The following CENPI variants were observed in gnomAD, a reference collection of about 807,000 sequenced individuals.
CENPI encodes centromere protein I.
A neutral mutation model predicts 60.4 loss-of-function variants in CENPI; 4 were observed. The observed-to-expected ratio is 0.07, with a 90% CI of 0.03 to 0.15. The LOEUF (loss-of-function observed/expected upper bound fraction) is 0.15. Ranked by LOEUF, CENPI falls within the 10% of genes least tolerant of loss-of-function variation. CENPI has a pLI of 1.00. For synonymous variants in CENPI, 157 were observed against 189.4 expected (o/e 0.83, Z 1.40); for missense variants, 444 against 534.5 (o/e 0.83, Z 1.67).
At chrX:101,109,735 T>C (rs762942046) in intron 5 of CENPI, 144 bp downstream of exon 5, 1 of 575,741 alleles carries the variant, frequency 1.7e-6, no homozygotes, top group South Asian at 2.8e-5. Flanking sequence ...AAGGACTATG[T>C]TCAAACAGAA....
At chrX:101,142,765 CACA>C (rs1457044032) in intron 16 of CENPI, among the ~76,000 whole-genome samples, 1 of 111,541 alleles carries the variant, frequency 9.0e-6, no homozygotes, top group Non-Finnish European at 1.9e-5. Context: ...TTATTTCAGA[CACA>C]GTTGCCAAGT....
At chrX:101,109,686 G>C in intron 5 of CENPI, 95 bp downstream of exon 5, 1 of 657,832 alleles carries the variant, frequency 1.5e-6, no homozygotes, top group East Asian at 3.2e-5. Flanking sequence ...TTGGCCTTTT[G>C]TGCAAAGCCT....
chrX:101,142,556 A>G (rs2089923712), intron 16 of CENPI, among the ~76,000 whole-genome samples: 1 of 111,119 alleles, frequency 9.0e-6, no homozygotes, highest in African/African-American at 3.3e-5. Context: ...GAAGGGGGCC[A>G]TTTCTGGTTG....
chrX:101,177,474 C>A, the CENPI span, among the ~76,000 whole-genome samples: 6 of 111,376 alleles, frequency 5.4e-5, no homozygotes, highest in Admixed American at 1.9e-4. Context: ...GAGCATTGAG[C>A]CAGGCTGGGT....
intron 12 of CENPI, among the ~76,000 whole-genome samples, chrX:101,129,170 A>G (rs1367096029): frequency 8.9e-6 from 1 of 111,800 alleles, no homozygotes; most frequent in Non-Finnish European, 1.9e-5. Flanking sequence ...CAGAAGAGAC[A>G]AATGTACAAG....
chrX:101,144,617 A>G (rs749726628), intron 16 of CENPI, among the ~76,000 whole-genome samples: 65 of 109,940 alleles, frequency 5.9e-4, no homozygotes, highest in Non-Finnish European at 8.1e-4. Flanking sequence ...TCCTGGATTC[A>G]AGAGAGCCCC....
intron 20 of CENPI, among the ~76,000 whole-genome samples, chrX:101,152,919 C>A (rs2090020855): frequency 9.2e-6 from 1 of 108,480 alleles, no homozygotes; most frequent in Non-Finnish European, 1.9e-5. Flanking sequence ...GTTTTCATTT[C>A]TCTTGGGTAT....
At chrX:101,130,174 C>T in intron 13 of CENPI, 101 bp downstream of exon 13, 1 of 558,668 alleles carries the variant, frequency 1.8e-6, no homozygotes, top group Non-Finnish European at 2.9e-6. Context: ...GTGGCTCACA[C>T]CTGTAATCTC....
At chrX:101,127,440 A>T (rs1177394047) in intron 10 of CENPI, 58 bp from the exon 11 acceptor site, 22 of 1,024,142 alleles carry the variant, frequency 2.1e-5, no homozygotes, top group Non-Finnish European at 2.7e-5. Flanking sequence ...TTGCTTTTAT[A>T]TTTGTGGTTT....
intron 16 of CENPI, among the ~76,000 whole-genome samples, chrX:101,142,239 T>A (rs769313782): frequency 3.7e-4 from 41 of 112,289 alleles, no homozygotes; most frequent in African/African-American, 1.3e-3. Flanking sequence ...TTCTGTATTA[T>A]CTTTTCAAAA....
At chrX:101,122,232 G>T (rs2089687183) in intron 8 of CENPI, among the ~76,000 whole-genome samples, 2 of 111,952 alleles carry the variant, frequency 1.8e-5, no homozygotes, top group Non-Finnish European at 3.8e-5. Context: ...ACAGAAGTCT[G>T]TGAAGCTCTG....
intron 20 of CENPI, among the ~76,000 whole-genome samples, chrX:101,152,618 G>T (rs186007111): frequency 2.1e-3 from 230 of 109,383 alleles, no homozygotes; most frequent in Non-Finnish European, 2.9e-3. Context: ...GGCCAGGCTG[G>T]TTGGTCTCTA....
chrX:101,123,224 C>T (rs971499913), intron 8 of CENPI, among the ~76,000 whole-genome samples: 1 of 112,220 alleles, frequency 8.9e-6, no homozygotes, highest in Admixed American at 9.4e-5. Context: ...TGAGGAAATA[C>T]ATTGGATGTG....
intron 8 of CENPI, among the ~76,000 whole-genome samples, chrX:101,125,686 C>T (rs1441399968): frequency 8.9e-6 from 1 of 111,879 alleles, no homozygotes; most frequent in Non-Finnish European, 1.9e-5. Context: ...GCATGAGCTA[C>T]CGTGCCCAGC....
chrX:101,099,499 G>C, intron 2 of CENPI, among the ~76,000 whole-genome samples: 1 of 109,154 alleles, frequency 9.2e-6, no homozygotes, highest in Non-Finnish European at 1.9e-5. Flanking sequence ...TGGGATTATA[G>C]GTGTGACCCA....
At chrX:101,173,495 G>A in the CENPI span, among the ~76,000 whole-genome samples, 1 of 108,457 alleles carries the variant, frequency 9.2e-6, no homozygotes, top group South Asian at 4.0e-4. Flanking sequence ...TCTGAATGAG[G>A]ATGCAACCAG....
At position 101,101,129 on chromosome X, in the gene CENPI, G is replaced by A. The variant is rs201582719; in HGVS notation, c.59G>A (p.Ser20Asn). 2.0e-5 allele frequency: 24 copies of A among 1,209,893 alleles called. No individual in the cohort carries two copies. The East Asian group carries it at 6.8e-4, about 34-fold the overall frequency. Residue 20 changes from serine to asparagine, a missense_variant, in exon 3 of 22, where the codon AGT becomes AAT. Ser to Asn is a conservative substitution (Grantham distance 46). Coordinates refer to ENST00000682095, the MANE Select transcript of CENPI (RefSeq NM_001386188.2). ...VQAQNRTSQGSSSFQTTLSAW... is the reference protein window; with the variant it reads ...VQAQNRTSQGNSSFQTTLSAW... ...GCACAAAACAGGACTTCACAAGGTA[G>A]TAGTAGTTTTCAGACCACGCTTTCA...
At chrX:101,173,103 C>T in the CENPI span, among the ~76,000 whole-genome samples, 1 of 99,281 alleles carries the variant, frequency 1.0e-5, no homozygotes, top group Non-Finnish European at 2.0e-5. Context: ...GCAACCTCCA[C>T]ATCCCGGGTT....
chrX:101,150,432 G>C (rs774614281), intron 20 of CENPI, among the ~76,000 whole-genome samples: 1 of 109,299 alleles, frequency 9.1e-6, no homozygotes, highest in Admixed American at 1.0e-4. Flanking sequence ...GTGCAGTGTC[G>C]CAATCTCGGC....
Sources: gnomAD v4.1 joint callset for allele counts (sites outside exome capture counted in the v4.1 genomes callset) on GRCh38, gnomAD v4.1.1 for gene constraint, MANE v1.5 for transcripts, NCBI Gene and HGNC (gene_info 2026-07-23, HGNC 2026-07-21) for gene names.